DEFB119: variants seen among roughly 807,000 people sequenced by gnomAD.
DEFB119 encodes beta-defensin 119.
Under a neutral mutation model 2.5 loss-of-function variants are expected in DEFB119, and 3 were observed. The observed-to-expected ratio is 1.19, with a 90% CI of 0.54 to 3.07. DEFB119 has a LOEUF of 3.07. Ranked by LOEUF, DEFB119 falls within the 30% of genes most tolerant of loss-of-function variation. The pLI is 0.03. For synonymous variants in DEFB119, 29 were observed against 33.7 expected, an observed-to-expected ratio of 0.86 and a Z score of 0.48; for missense variants, 113 against 101.1, an observed-to-expected ratio of 1.12 and a Z score of -0.50.
intron 1 of DEFB119, among the ~76,000 whole-genome samples, chr20:31,387,777 C>G (rs1425724597): frequency 6.6e-6 from 1 of 152,130 alleles, no homozygotes; most frequent in Non-Finnish European, 1.5e-5. Flanking sequence ...ATCCCAGGAC[C>G]CAGCTACTCA....
intron 1 of DEFB119, among the ~76,000 whole-genome samples, chr20:31,379,584 C>G (rs1184597996): frequency 2.6e-5 from 4 of 151,912 alleles, no homozygotes; most frequent in Non-Finnish European, 4.4e-5. Context: ...ACCTCTGCCT[C>G]CCAGGTTCAA....
chr20:31,381,284 C>A (rs1054203374), intron 1 of DEFB119, among the ~76,000 whole-genome samples: 3 of 152,158 alleles, frequency 2.0e-5, no homozygotes, highest in Admixed American at 6.5e-5. Flanking sequence ...CCTTACTGAA[C>A]CTACTTATTA....
At chr20:31,384,416 C>G (rs1414581408) in intron 1 of DEFB119, among the ~76,000 whole-genome samples, 2 of 151,804 alleles carry the variant, frequency 1.3e-5, no homozygotes, top group African/African-American at 2.4e-5. Context: ...AATATATACA[C>G]CTACTATTTA....
chr20:31,383,737 G>A (rs974945808), intron 1 of DEFB119, among the ~76,000 whole-genome samples: 3 of 151,942 alleles, frequency 2.0e-5, no homozygotes, highest in Non-Finnish European at 4.4e-5. Context: ...CAGCTACTAG[G>A]GAGGCTGAGA....
At chr20:31,385,817 C>T (rs1365620177) in intron 1 of DEFB119, among the ~76,000 whole-genome samples, 2 of 151,888 alleles carry the variant, frequency 1.3e-5, no homozygotes, top group African/African-American at 4.8e-5. Flanking sequence ...CTACAGTGAG[C>T]CATGATCGCA....
At chr20:31,383,127 C>G (rs755305497) in intron 1 of DEFB119, among the ~76,000 whole-genome samples, 1 of 152,204 alleles carries the variant, frequency 6.6e-6, no homozygotes, top group Non-Finnish European at 1.5e-5. Flanking sequence ...TGTGGCCCCA[C>G]TCAAATCTCG....
At chr20:31,389,921 C>T (rs1027725064) in intron 1 of DEFB119, among the ~76,000 whole-genome samples, 3 of 152,024 alleles carry the variant, frequency 2.0e-5, no homozygotes, top group Non-Finnish European at 4.4e-5. Flanking sequence ...CATCCAGCAC[C>T]GACTCCCAGC....
chr20:31,377,579 A>G, intron 1 of DEFB119, 140 bp from the exon 2 acceptor site: 2 of 974,136 alleles, frequency 2.1e-6, no homozygotes, highest in Admixed American at 2.9e-5. Context: ...TTCCAGAAAA[A>G]AAAGAGTCAA....
Position 31,382,578 on chromosome 20 carries a change from C to T in DEFB119, c.62-5139G>A, listed in dbSNP as rs75997428. Among the ~76,000 whole-genome samples the T allele has an allele frequency of 5.8e-4, 89 of 152,334 alleles. 2 individuals carry two copies. In the East Asian group the frequency reaches 0.015, roughly 25 times the overall value. ...ACCCAGAAACTCCTCTGCATCCTTG[C>T]TAACCCTGCCAGCCAGAACCACGTA... is the stretch of plus-strand genomic sequence containing the variant. On this transcript the variant is annotated intron_variant, in intron 1 of 1. Transcript: ENST00000376321.
At chr20:31,379,458 A>G (rs147156178) in intron 1 of DEFB119, among the ~76,000 whole-genome samples, 70 of 151,650 alleles carry the variant, frequency 4.6e-4, no homozygotes, top group African/African-American at 1.5e-3. Context: ...GTCTTTTCAT[A>G]TCTTTTGTCC....
At chr20:31,387,940 C>A (rs1179499311) in intron 1 of DEFB119, 6 of 620,350 alleles carry the variant, frequency 9.7e-6, no homozygotes, top group Non-Finnish European at 1.2e-5. Context: ...GAGCTGAGAG[C>A]AAATAGTCTT....
At chr20:31,386,780 A>C (rs1986716242) in intron 1 of DEFB119, among the ~76,000 whole-genome samples, 1 of 130,016 alleles carries the variant, frequency 7.7e-6, no homozygotes, top group Non-Finnish European at 1.7e-5. Flanking sequence ...ACAATCATTT[A>C]TTGCGTATTT....
Position 31,390,534 on chromosome 20 carries a change from A to G in DEFB119, c.-51T>C. ...TGGCTGAGCTGCAGGGGAAGGAAAT[A>G]GGGTTCCCTGCAGCACGGCAGAGAT... On this transcript the variant is annotated 5_prime_UTR_variant, in exon 1 of 2. Coordinates refer to ENST00000376321, the MANE Select transcript of DEFB119 (RefSeq NM_153289.4). 6.4e-7 allele frequency: 1 copy of G among 1,571,396 alleles called. No homozygotes were observed. The highest frequency in any genetic ancestry group is 8.7e-7 in the Non-Finnish European group (1 of 1,145,640).
In DEFB119 at chr20:31,377,165, A is replaced by T; in HGVS notation, c.*81T>A. The T allele has an allele frequency of 7.2e-7, 1 of 1,387,188 alleles. No individual in the cohort carries two copies. Among genetic ancestry groups the T allele is most frequent in the South Asian group, 1.5e-5 (1 of 68,758 alleles). The allele number at this position is 1,387,188 out of a possible 1,614,324, so 85.9% of individuals were successfully genotyped here. A position where few individuals can be genotyped will look rare whatever the true frequency, so the allele number is the denominator to read the frequency against. On this transcript the variant is annotated 3_prime_UTR_variant, in exon 2 of 2. Transcript: ENST00000376321. Reference sequence around the variant, plus strand: ...CAGTGGACCAAAGACAGACAAGGGTAGCAGGCACATGAATTTTAATGAGGG... The same window carrying T: ...CAGTGGACCAAAGACAGACAAGGGTTGCAGGCACATGAATTTTAATGAGGG...
At chr20:31,386,918 A>G (rs1275621657) in intron 1 of DEFB119, among the ~76,000 whole-genome samples, 2 of 139,102 alleles carry the variant, frequency 1.4e-5, no homozygotes, top group Non-Finnish European at 3.0e-5. Flanking sequence ...GGTTCACGCC[A>G]TTCTCCTGCC....
At chr20:31,380,447 G>A (rs1278871968) in intron 1 of DEFB119, among the ~76,000 whole-genome samples, 3 of 151,948 alleles carry the variant, frequency 2.0e-5, no homozygotes, top group East Asian at 3.9e-4. Flanking sequence ...TTTTATTTTT[G>A]TAGAGATGGG....
intron 1 of DEFB119, among the ~76,000 whole-genome samples, chr20:31,387,632 T>C (rs1438668212): frequency 6.6e-6 from 1 of 152,136 alleles, no homozygotes; most frequent in Admixed American, 6.6e-5. Context: ...CCACAGACCC[T>C]GCAAACAAGA....
chr20:31,383,296 C>T (rs968383714), intron 1 of DEFB119, among the ~76,000 whole-genome samples: 1 of 152,162 alleles, frequency 6.6e-6, no homozygotes, highest in Non-Finnish European at 1.5e-5. Context: ...GTAATCCTAG[C>T]ACTTTGGGAG....
At chr20:31,390,235 C>T (rs1986879971) in intron 1 of DEFB119, among the ~76,000 whole-genome samples, 188 bp downstream of exon 1, 2 of 151,982 alleles carry the variant, frequency 1.3e-5, no homozygotes, top group Admixed American at 1.3e-4. Flanking sequence ...ATGCTCCAAA[C>T]ATCTATCATC....
Sources: gnomAD v4.1 joint callset for allele counts (sites outside exome capture counted in the v4.1 genomes callset) on GRCh38, gnomAD v4.1.1 for gene constraint, MANE v1.5 for transcripts, NCBI Gene and HGNC (gene_info 2026-07-23, HGNC 2026-07-21) for gene names.